Variants in NAALADL2 observed in about 807,000 individuals in gnomAD.
The protein encoded by NAALADL2 is N-acetylated alpha-linked acidic dipeptidase like 2.
A neutral mutation model predicts 87.2 loss-of-function variants in NAALADL2; 76 were observed. The observed-to-expected ratio is 0.87, with a 90% CI of 0.72 to 1.05. The LOEUF (loss-of-function observed/expected upper bound fraction) is 1.05. Among genes scored for constraint, NAALADL2 ranks in the 50% least tolerant of loss-of-function variants. The probability of loss-of-function intolerance (pLI) is 0.00; values close to 1 mark genes in which losing one functional copy is unlikely to be tolerated. For synonymous variants in NAALADL2, 354 were observed against 331.0 expected (o/e 1.07, Z -0.75); for missense variants, 1,089 against 945.8 (o/e 1.15, Z -1.99).
intron 2 of NAALADL2, among the ~76,000 whole-genome samples, chr3:174,617,592 A>G (rs147931742): frequency 4.3e-4 from 66 of 151,858 alleles, no homozygotes; most frequent in Admixed American, 1.3e-3. Context: ...AATTGATCAG[A>G]GTCCAAAAGA....
chr3:175,162,197 A>T (rs1733330018), intron 2 of NAALADL2, among the ~76,000 whole-genome samples: 2 of 152,162 alleles, frequency 1.3e-5, no homozygotes, highest in Admixed American at 6.6e-5. Flanking sequence ...TTTCTTAACC[A>T]GGAATTAGTA....
At chr3:175,502,449 G>A (rs113296828) in intron 9 of NAALADL2, among the ~76,000 whole-genome samples, 5 of 152,088 alleles carry the variant, frequency 3.3e-5, no homozygotes, top group Non-Finnish European at 7.4e-5. Flanking sequence ...TCACTGCTTC[G>A]ATCTGGGACG....
chr3:174,619,306 A>G (rs1287553722), intron 2 of NAALADL2, among the ~76,000 whole-genome samples: 1 of 151,936 alleles, frequency 6.6e-6, no homozygotes. Context: ...TCCCAGCACC[A>G]TGGGTTTTCT....
intron 2 of NAALADL2, among the ~76,000 whole-genome samples, chr3:175,223,195 C>A (rs190803128): frequency 6.6e-6 from 1 of 151,494 alleles, no homozygotes; most frequent in Non-Finnish European, 1.5e-5. Context: ...ACCATAGTCA[C>A]GAATTTGTAC....
intron 1 of NAALADL2, among the ~76,000 whole-genome samples, chr3:174,479,262 A>G (rs576030206): frequency 3.3e-5 from 5 of 152,274 alleles, no homozygotes; most frequent in African/African-American, 7.2e-5. Context: ...TCAACTCTAA[A>G]TGAATGACTA....
intron 3 of NAALADL2, among the ~76,000 whole-genome samples, chr3:174,739,101 T>C (rs1273166567): frequency 6.6e-6 from 1 of 152,202 alleles, no homozygotes; most frequent in Non-Finnish European, 1.5e-5. Flanking sequence ...TAAATAGGTA[T>C]ATTTTCTAGC....
intron 5 of NAALADL2, among the ~76,000 whole-genome samples, chr3:175,414,451 T>G (rs936718062): frequency 4.6e-5 from 7 of 152,342 alleles, no homozygotes; most frequent in African/African-American, 1.7e-4. Flanking sequence ...ACTACTGATC[T>G]ATATACTTTT....
intron 10 of NAALADL2, among the ~76,000 whole-genome samples, chr3:175,585,599 G>A (rs1720429831): frequency 6.6e-6 from 1 of 151,992 alleles, no homozygotes; most frequent in Non-Finnish European, 1.5e-5. Flanking sequence ...TTACAAAACA[G>A]AGCCTATAAC....
At chr3:175,104,727 G>T (rs964827196) in intron 2 of NAALADL2, among the ~76,000 whole-genome samples, 2 of 152,084 alleles carry the variant, frequency 1.3e-5, no homozygotes, top group Non-Finnish European at 2.9e-5. Flanking sequence ...ATAACAGAAT[G>T]AATTTAACAG....
chr3:175,304,009 A>AT (rs547607513), intron 4 of NAALADL2, among the ~76,000 whole-genome samples: 14,552 of 146,660 alleles, frequency 0.099, 2,181 homozygotes, highest in African/African-American at 0.33. Context: ...TACCATTAGG[A>AT]TTTTTTTTTT....
intron 1 of NAALADL2, among the ~76,000 whole-genome samples, chr3:174,982,972 G>C (rs1458653416): frequency 6.6e-6 from 1 of 152,108 alleles, no homozygotes; most frequent in Non-Finnish European, 1.5e-5. Context: ...TAATTTTTTT[G>C]TATTTTTAGT....
At chr3:174,505,192 A>C (rs931240689) in intron 1 of NAALADL2, among the ~76,000 whole-genome samples, 1 of 152,294 alleles carries the variant, frequency 6.6e-6, no homozygotes. Context: ...AAAATTCTTC[A>C]CCACTATCTC....
intron 4 of NAALADL2, among the ~76,000 whole-genome samples, chr3:175,311,331 A>G (rs1002429609): frequency 6.6e-6 from 1 of 151,832 alleles, no homozygotes; most frequent in Non-Finnish European, 1.5e-5. Flanking sequence ...AAGTCACATT[A>G]TTATTTTCCA....
chr3:175,408,291 A>T (rs990985169), intron 5 of NAALADL2, among the ~76,000 whole-genome samples: 2 of 152,108 alleles, frequency 1.3e-5, no homozygotes, highest in Non-Finnish European at 2.9e-5. Flanking sequence ...TTCTCACTGG[A>T]CAAAAAAAGT....
intron 4 of NAALADL2, among the ~76,000 whole-genome samples, chr3:175,293,958 G>C (rs990421530): frequency 3.9e-5 from 6 of 152,158 alleles, no homozygotes; most frequent in Non-Finnish European, 8.8e-5. Flanking sequence ...GAAGCCAAAG[G>C]AAGTTGTAAA....
Position 175,772,230 on chromosome 3 carries a change from C to T in NAALADL2, c.2189+16812C>T, listed in dbSNP as rs576602300. Among the ~76,000 whole-genome samples the T allele has an allele frequency of 6.2e-4, 94 of 152,058 alleles. No individual in the cohort carries two copies. In the South Asian group the frequency reaches 6.2e-3, roughly 10 times the overall value. ...TGAGTGTAGATTAGACAATGGCTTT[C>T]TTCTGAATAGATGTGCTAGTTTATT... On this transcript the variant is annotated intron_variant, in intron 13 of 13. Coordinates refer to ENST00000454872, the MANE Select transcript of NAALADL2 (RefSeq NM_207015.3).
At chr3:175,685,299 G>A (rs1040438331) in intron 11 of NAALADL2, among the ~76,000 whole-genome samples, 1 of 152,076 alleles carries the variant, frequency 6.6e-6, no homozygotes, top group African/African-American at 2.4e-5. Flanking sequence ...ATTGTAATCT[G>A]CCAGAATCTC....
At chr3:175,054,016 G>A (rs1711563082) in intron 1 of NAALADL2, among the ~76,000 whole-genome samples, 1 of 152,196 alleles carries the variant, frequency 6.6e-6, no homozygotes. Context: ...TTGCAATTTG[G>A]TAAATAAAGT....
intron 3 of NAALADL2, among the ~76,000 whole-genome samples, chr3:174,811,293 A>G (rs1280561073): frequency 6.6e-6 from 1 of 152,164 alleles, no homozygotes; most frequent in Non-Finnish European, 1.5e-5. Context: ...GGCACCTTGC[A>G]CCTGGAAAAG....
Sources: allele counts gnomAD v4.1 joint callset (sites outside exome capture counted in the v4.1 genomes callset), GRCh38; gene constraint gnomAD v4.1.1; transcripts MANE v1.5; gene names NCBI Gene and HGNC (gene_info 2026-07-23, HGNC 2026-07-21).